BBS9: variants seen among roughly 807,000 people sequenced by gnomAD.
BBS9 encodes the protein Bardet-Biedl syndrome 9.
A neutral mutation model predicts 117.7 loss-of-function variants in BBS9; 89 were observed. The ratio of observed to expected loss-of-function variants is 0.76; its 90% CI spans 0.64 to 0.90. The LOEUF (loss-of-function observed/expected upper bound fraction) is 0.90. Among genes scored for constraint, BBS9 ranks in the 40% least tolerant of loss-of-function variants. The pLI is 0.00. For missense variants in BBS9, 982 were observed against 1,042.2 expected (o/e 0.94, Z 0.80); for synonymous variants, 379 against 370.9 (o/e 1.02, Z -0.25).
At chr7:33,486,888 G>A (rs1175494279) in intron 19 of BBS9, among the ~76,000 whole-genome samples, 1 of 152,200 alleles carries the variant, frequency 6.6e-6, no homozygotes, top group Non-Finnish European at 1.5e-5. Flanking sequence ...CACAGCAAAT[G>A]AAACATAATT....
intron 21 of BBS9, among the ~76,000 whole-genome samples, chr7:33,570,563 G>A (rs1401658536): frequency 1.3e-5 from 2 of 152,124 alleles, no homozygotes; most frequent in African/African-American, 4.8e-5. Flanking sequence ...ATCCAGCAGT[G>A]GATGCTAACA....
chr7:33,177,380 T>A (rs1797474212), intron 4 of BBS9, 98 bp from the exon 5 acceptor site: 1 of 809,944 alleles, frequency 1.2e-6, no homozygotes, highest in African/African-American at 1.7e-5. Context: ...CCATTATAAT[T>A]TCCCTAAAAT....
intron 21 of BBS9, among the ~76,000 whole-genome samples, chr7:33,556,344 G>T (rs1405898103): frequency 2.0e-5 from 3 of 152,060 alleles, no homozygotes; most frequent in Non-Finnish European, 4.4e-5. Flanking sequence ...CAAACACAAG[G>T]GTGATGAGCC....
At position 33,130,248 on chromosome 7, in the gene BBS9, A is replaced by G. The variant is rs115819560; in HGVS notation, c.-12+207A>G. 2.8e-3 allele frequency among the ~76,000 whole-genome samples: 428 copies of G among 152,292 alleles called. 1 individual carries two copies. Among genetic ancestry groups the G allele is most frequent in the African/African-American group, 0.01 (418 of 41,568 alleles). The stretch of plus-strand genomic sequence containing the variant: ...TACTTTTGAGAAAAAAGGGATGAGA[A>G]TTTTTAAGGATTCCATTGAGGAATG... On this transcript the variant is annotated intron_variant, in intron 1 of 22. Transcript: ENST00000242067.
At chr7:33,354,646 T>C (rs574069795) in intron 15 of BBS9, among the ~76,000 whole-genome samples, 159 of 152,254 alleles carry the variant, frequency 1.0e-3, no homozygotes, top group Non-Finnish European at 1.9e-3. Flanking sequence ...TATTCATATA[T>C]ACTTATTTTT....
At chr7:33,505,431 T>G in intron 19 of BBS9, 32 bp from the exon 20 acceptor site, 1 of 1,611,476 alleles carries the variant, frequency 6.2e-7, no homozygotes, top group Non-Finnish European at 8.5e-7. Flanking sequence ...AATTGTGAAA[T>G]TATCCCTAAC....
chr7:33,338,183 A>G (rs1374845877), intron 10 of BBS9, among the ~76,000 whole-genome samples: 2 of 152,156 alleles, frequency 1.3e-5, no homozygotes, highest in Non-Finnish European at 2.9e-5. Flanking sequence ...TGCCCCTTCT[A>G]TGCCACCATC....
intron 5 of BBS9, among the ~76,000 whole-genome samples, chr7:33,193,450 T>C (rs1317262041): frequency 6.6e-6 from 1 of 150,856 alleles, no homozygotes; most frequent in Non-Finnish European, 1.5e-5. Context: ...TTGTAGTATG[T>C]TTGTGGGTTT....
rs140877388 is a variant in BBS9 at position 33,520,980 on chromosome 7, G to C, written c.2299-12974G>C. Among the ~76,000 whole-genome samples, 512 of 152,098 alleles carry C rather than the reference G, an allele frequency of 3.4e-3. 3 individuals are homozygous for C. Among genetic ancestry groups the C allele is most frequent in the African/African-American group, 0.012 (488 of 41,558 alleles). ...TCCCCTGGATTTGCATTATCAATTT[G>C]ATTTACCAGTCTTTATTTTTTTTTG... On this transcript the variant is annotated intron_variant, in intron 20 of 22. Coordinates refer to ENST00000242067, the MANE Select transcript of BBS9 (RefSeq NM_198428.3).
intron 5 of BBS9, among the ~76,000 whole-genome samples, chr7:33,178,745 AT>A (rs1797692182): frequency 6.7e-6 from 1 of 150,120 alleles, no homozygotes; most frequent in East Asian, 1.9e-4. Context: ...AAATGACTTC[AT>A]TTTGGAAGTA....
At position 33,344,638 on chromosome 7, in the gene BBS9, T is replaced by C. The variant is rs754476377; in HGVS notation, c.1329+4T>C. On this transcript the variant is annotated splice_donor_region_variant and intron_variant, in intron 12 of 22. Coordinates refer to ENST00000242067, the MANE Select transcript of BBS9 (RefSeq NM_198428.3). ...TGTCCCTTCTGTCACGGTGAAGGTATTGTACCAGATTTTAGACTGTAATGT... is the reference window on the plus strand; with the variant it reads ...TGTCCCTTCTGTCACGGTGAAGGTACTGTACCAGATTTTAGACTGTAATGT... The C allele has an allele frequency of 6.2e-7, 1 of 1,613,452 alleles. No homozygotes were observed. The highest frequency in any genetic ancestry group is 1.3e-5 in the African/African-American group (1 of 74,934).
chr7:33,167,311 A>G (rs1319082172), intron 4 of BBS9, among the ~76,000 whole-genome samples: 1 of 144,644 alleles, frequency 6.9e-6, no homozygotes, highest in Non-Finnish European at 1.6e-5. Context: ...TAAAAATCTG[A>G]CAAAGTATTT....
chr7:33,324,553 A>G (rs1812437167), intron 9 of BBS9, among the ~76,000 whole-genome samples: 1 of 150,362 alleles, frequency 6.7e-6, no homozygotes, highest in African/African-American at 2.4e-5. Flanking sequence ...TTGCTATTAC[A>G]GTAAGTTTTG....
intron 5 of BBS9, among the ~76,000 whole-genome samples, chr7:33,232,336 A>G (rs1792621332): frequency 6.6e-6 from 1 of 152,136 alleles, no homozygotes; most frequent in African/African-American, 2.4e-5. Context: ...AAACTTATTA[A>G]GAAGAAAATT....
chr7:33,436,994 C>G (rs550818968), intron 19 of BBS9, among the ~76,000 whole-genome samples: 1 of 152,238 alleles, frequency 6.6e-6, no homozygotes, highest in East Asian at 1.9e-4. Context: ...GAGATTTGTA[C>G]ATGAGTGAGG....
intron 5 of BBS9, among the ~76,000 whole-genome samples, chr7:33,192,764 T>G (rs775036667): frequency 2.6e-5 from 4 of 152,214 alleles, no homozygotes; most frequent in South Asian, 4.1e-4. Context: ...AGGTTCAGTG[T>G]GCAGCTAGGG....
intron 19 of BBS9, among the ~76,000 whole-genome samples, chr7:33,484,922 A>G (rs1029526074): frequency 6.6e-6 from 1 of 152,262 alleles, no homozygotes; most frequent in Non-Finnish European, 1.5e-5. Context: ...GCATGGATAA[A>G]TAAAATGTTG....
chr7:33,257,459 G>T, intron 6 of BBS9, 49 bp downstream of exon 6: 2 of 1,566,880 alleles, frequency 1.3e-6, no homozygotes, highest in Non-Finnish European at 1.8e-6. Flanking sequence ...TGGTGCGTTT[G>T]TTGCTGACTA....
At chr7:33,250,507 T>G (rs913947957) in intron 5 of BBS9, among the ~76,000 whole-genome samples, 1 of 152,230 alleles carries the variant, frequency 6.6e-6, no homozygotes, top group South Asian at 2.1e-4. Context: ...GACAAAACTT[T>G]CATGGCTTTT....
Sources: allele counts gnomAD v4.1 joint callset (sites outside exome capture counted in the v4.1 genomes callset), GRCh38; gene constraint gnomAD v4.1.1; transcripts MANE v1.5; gene names NCBI Gene and HGNC (gene_info 2026-07-23, HGNC 2026-07-21).